The following PCDHA10 variants were observed in gnomAD, a reference collection of about 807,000 sequenced individuals.
PCDHA10 encodes protocadherin alpha-10.
A neutral mutation model predicts 61.2 loss-of-function variants in PCDHA10; 45 were observed. The observed-to-expected ratio is 0.74, with a 90% CI of 0.58 to 0.94. The LOEUF (loss-of-function observed/expected upper bound fraction) is 0.94, where lower values mean the gene tolerates loss of function less well. Among genes scored for constraint, PCDHA10 ranks in the 40% least tolerant of loss-of-function variants. The probability of loss-of-function intolerance (pLI) is 0.00; values close to 1 mark genes in which losing one functional copy is unlikely to be tolerated. For synonymous variants in PCDHA10, 602 were observed against 548.8 expected (o/e 1.10, Z -1.35); for missense variants, 1,278 against 1,236.2 (o/e 1.03, Z -0.51).
At chr5:140,927,669 T>G in intron 1 of PCDHA10, 1 of 1,614,106 alleles carries the variant, frequency 6.2e-7, no homozygotes. Context: ...AAGCCTTGGA[T>G]CCAGATGAAG....
At chr5:140,921,868 T>C (rs1037750056) in intron 1 of PCDHA10, among the ~76,000 whole-genome samples, 1 of 152,016 alleles carries the variant, frequency 6.6e-6, no homozygotes, top group Non-Finnish European at 1.5e-5. Context: ...ATATATACAG[T>C]ATATATATAA....
At chr5:140,873,417 AATT>A (rs1443232738) in intron 1 of PCDHA10, among the ~76,000 whole-genome samples, 1 of 152,164 alleles carries the variant, frequency 6.6e-6, no homozygotes. Flanking sequence ...AAATTTTGTA[AATT>A]ATTATTTTAT....
intron 1 of PCDHA10, chr5:140,869,457 T>C: frequency 6.2e-7 from 1 of 1,614,184 alleles, no homozygotes. Context: ...AGGTTTTCCA[T>C]GTGAACGTGG....
chr5:140,990,535 A>T (rs1450949471), intron 3 of PCDHA10, among the ~76,000 whole-genome samples: 1 of 152,182 alleles, frequency 6.6e-6, no homozygotes, highest in African/African-American at 2.4e-5. Context: ...ACTGTGCATC[A>T]TAGATACTGT....
At chr5:140,877,299 C>G (rs374061607) in intron 1 of PCDHA10, 2 of 1,613,924 alleles carry the variant, frequency 1.2e-6, no homozygotes, top group Admixed American at 1.7e-5. Context: ...GGCTGTCCTA[C>G]GAGTTGCAAC....
intron 1 of PCDHA10, among the ~76,000 whole-genome samples, chr5:140,938,233 A>AC (rs1329361250): frequency 6.6e-6 from 1 of 152,210 alleles, no homozygotes; most frequent in African/African-American, 2.4e-5. Context: ...GGCATAGGCC[A>AC]CCATGCCTGG....
intron 1 of PCDHA10, among the ~76,000 whole-genome samples, chr5:140,889,657 C>T (rs1411654885): frequency 2.0e-5 from 3 of 152,128 alleles, no homozygotes; most frequent in African/African-American, 7.2e-5. Context: ...GAGATGTCCT[C>T]TTCCCAGCCT....
At position 140,858,109 on chromosome 5, in the gene PCDHA10, C is replaced by G. The variant is rs782526722; in HGVS notation, c.2061C>G (p.Pro687=). 17 of 1,597,646 alleles carry G rather than the reference C, an allele frequency of 1.1e-5. 1 individual carries two copies. The highest frequency in any genetic ancestry group is 1.2e-5 in the Non-Finnish European group (14 of 1,167,662). ...CGCGGGCTTCAGTGGGCGTGGCGCC[C>G]GAGGTGGCCCTGGTGGATGTCAACG... ...ASSRASVGVA[P]EVALVDVNVY... is the part of the protein sequence containing the mutation. The change falls in exon 1 of 4, where the codon CCC becomes CCG. Residue 687 remains proline, a synonymous_variant. Transcript: ENST00000307360.
chr5:140,991,139 G>GT (rs1563571112), intron 3 of PCDHA10, among the ~76,000 whole-genome samples: 3 of 152,126 alleles, frequency 2.0e-5, no homozygotes, highest in Non-Finnish European at 4.4e-5. Flanking sequence ...TAGTAAAAAT[G>GT]TTTTTTGCTC....
intron 1 of PCDHA10, chr5:140,863,338 C>G: frequency 2.2e-6 from 3 of 1,361,684 alleles, no homozygotes; most frequent in Non-Finnish European, 3.0e-6. Flanking sequence ...GCTCACGTTG[C>G]TGCTGTACAC....
chr5:140,926,209 T>A (rs553307318), intron 1 of PCDHA10, among the ~76,000 whole-genome samples: 1 of 152,028 alleles, frequency 6.6e-6, no homozygotes, highest in African/African-American at 2.4e-5. Context: ...GGGGGGCTCC[T>A]GTTTCCTTAA....
chr5:140,874,039 GTGA>G (rs1372721490), intron 1 of PCDHA10, among the ~76,000 whole-genome samples: 1 of 152,152 alleles, frequency 6.6e-6, no homozygotes, highest in African/African-American at 2.4e-5. Context: ...AAGAAACTTG[GTGA>G]TGATATTAGA....
chr5:140,910,274 G>A (rs1185029668), intron 1 of PCDHA10, among the ~76,000 whole-genome samples: 1 of 152,030 alleles, frequency 6.6e-6, no homozygotes, highest in Non-Finnish European at 1.5e-5. Flanking sequence ...TCACTTCTAG[G>A]AACACCATGA....
In PCDHA10 at chr5:140,903,474, C is replaced by T. The variant is rs1257250947; in HGVS notation, c.2388+45038C>T. Among the ~76,000 whole-genome samples, 4 of 152,106 alleles carry T rather than the reference C, an allele frequency of 2.6e-5. No homozygotes were observed. In the East Asian group the frequency reaches 7.7e-4, roughly 29 times the overall value. The stretch of plus-strand genomic sequence containing the variant: ...ATCAAACTTAAAATATTATTCCTTG[C>T]ATTATAGTTCTGAGCAGGTACCATA... On this transcript the variant is annotated intron_variant, in intron 1 of 3. Transcript: ENST00000307360.
At chr5:140,897,187 TA>T (rs1554187233) in intron 1 of PCDHA10, among the ~76,000 whole-genome samples, 7 of 152,166 alleles carry the variant, frequency 4.6e-5, no homozygotes, top group Non-Finnish European at 1.0e-4. Context: ...TCAAAAAATA[TA>T]TTTTTTTATT....
intron 1 of PCDHA10, among the ~76,000 whole-genome samples, chr5:140,878,484 A>G (rs1285844908): frequency 6.6e-6 from 1 of 152,190 alleles, no homozygotes; most frequent in African/African-American, 2.4e-5. Flanking sequence ...CAATTTAAAA[A>G]TATTTAACCA....
rs782304851 is a variant in PCDHA10 at position 140,856,941 on chromosome 5, C to T, written c.893C>T (p.Thr298Met). ...AGGAAATTTTGGATAAACGAAAGGA[C>T]GGGAGAAATAAAAGTAAATGATGCT... ...IRRKFWINER[T>M]GEIKVNDAID... Residue 298 changes from threonine (T) to methionine (M), a missense_variant, in exon 1 of 4, where the codon ACG becomes ATG. By Grantham distance (81) the Thr-to-Met change is moderately conservative (BLOSUM62 -1). Coordinates refer to ENST00000307360, the MANE Select transcript of PCDHA10 (RefSeq NM_018901.4). The T allele has an allele frequency of 1.9e-6, 3 of 1,592,588 alleles. No homozygotes were observed. Among genetic ancestry groups the T allele is most frequent in the Admixed American group, 3.4e-5 (2 of 59,186 alleles).
chr5:140,937,776 G>A (rs1350103217), intron 1 of PCDHA10, among the ~76,000 whole-genome samples: 1 of 151,292 alleles, frequency 6.6e-6, no homozygotes, highest in Non-Finnish European at 1.5e-5. Context: ...GTCGGGCGTG[G>A]TGGCGGGCGT....
In PCDHA10 at chr5:140,869,379, C is replaced by G. The variant is rs1554162987; in HGVS notation, c.2388+10943C>G. The G allele has an allele frequency of 1.9e-6, 3 of 1,614,122 alleles. No individual in the cohort carries two copies. The South Asian group carries it at 3.3e-5, about 18-fold the overall frequency. ...TGTTTGTGAATTCTCGGATCGACCG[C>G]GAGGAGCTGTGCGGGCAGAGCGCGG... On this transcript the variant is annotated intron_variant, in intron 1 of 3. Coordinates refer to ENST00000307360, the MANE Select transcript of PCDHA10 (RefSeq NM_018901.4).
Sources: allele counts gnomAD v4.1 joint callset (sites outside exome capture counted in the v4.1 genomes callset), GRCh38; gene constraint gnomAD v4.1.1; transcripts MANE v1.5; gene names NCBI Gene and HGNC (gene_info 2026-07-23, HGNC 2026-07-21).